The following PRTFDC1 variants were observed in gnomAD, a reference collection of about 807,000 sequenced individuals.
PRTFDC1 encodes the protein phosphoribosyl transferase domain containing 1.
PRTFDC1 carries 38 observed loss-of-function variants against 34.6 expected under a neutral mutation model. The observed-to-expected ratio is 1.10, with a 90% CI of 0.85 to 1.44. The LOEUF (loss-of-function observed/expected upper bound fraction) is 1.44, where lower values mean the gene tolerates loss of function less well. PRTFDC1 is among the 40% of genes most tolerant of loss of function. The pLI is 0.00. For synonymous variants in PRTFDC1, 93 were observed against 98.1 expected, an observed-to-expected ratio of 0.95 and a Z score of 0.31; for missense variants, 270 against 283.0, an observed-to-expected ratio of 0.95 and a Z score of 0.33.
At chr10:24,946,438 A>G (rs1375999761) in intron 1 of PRTFDC1, among the ~76,000 whole-genome samples, 1 of 152,208 alleles carries the variant, frequency 6.6e-6, no homozygotes, top group Non-Finnish European at 1.5e-5. Flanking sequence ...AATGCCAAAA[A>G]TAGGAAAAAA....
chr10:24,900,682 T>C (rs950403953), intron 3 of PRTFDC1, among the ~76,000 whole-genome samples: 8 of 152,202 alleles, frequency 5.3e-5, no homozygotes, highest in Non-Finnish European at 1.2e-4. Flanking sequence ...ATAAAAAACA[T>C]TCTACAAACC....
At chr10:24,945,969 G>A (rs1175495551) in intron 1 of PRTFDC1, among the ~76,000 whole-genome samples, 1 of 152,148 alleles carries the variant, frequency 6.6e-6, no homozygotes, top group Non-Finnish European at 1.5e-5. Context: ...GCAGGCCACA[G>A]TAAAGACCAG....
chr10:24,902,662 C>T (rs563247943), intron 3 of PRTFDC1, among the ~76,000 whole-genome samples: 17 of 152,150 alleles, frequency 1.1e-4, no homozygotes, highest in Non-Finnish European at 2.5e-4. Context: ...AAGAGAATGA[C>T]AAATTCAGAG....
intron 3 of PRTFDC1, among the ~76,000 whole-genome samples, chr10:24,878,650 C>T (rs865842378): frequency 1.7e-4 from 26 of 152,202 alleles, no homozygotes; most frequent in African/African-American, 3.4e-4. Context: ...ACATAGAGCA[C>T]GCCAGATAGC....
chr10:24,872,879 C>G (rs1320478825), intron 3 of PRTFDC1, among the ~76,000 whole-genome samples: 4 of 145,010 alleles, frequency 2.8e-5, no homozygotes, highest in Admixed American at 1.4e-4. Flanking sequence ...GTGATCCTAG[C>G]TCATTGCAGC....
intron 2 of PRTFDC1, among the ~76,000 whole-genome samples, chr10:24,938,584 G>A (rs1328966749): frequency 6.6e-6 from 1 of 152,198 alleles, no homozygotes; most frequent in Admixed American, 6.5e-5. Flanking sequence ...TTGGTGGCAG[G>A]GCTCCACTAT....
chr10:24,860,421 G>A (rs7097703), intron 4 of PRTFDC1, among the ~76,000 whole-genome samples: 1,759 of 152,048 alleles, frequency 0.012, 35 homozygotes, highest in African/African-American at 0.04. Context: ...CTACACATTC[G>A]ATAACTTACT....
At chr10:24,855,786 C>T (rs1490158185) in intron 6 of PRTFDC1, among the ~76,000 whole-genome samples, 3 of 151,948 alleles carry the variant, frequency 2.0e-5, no homozygotes, top group Non-Finnish European at 4.4e-5. Flanking sequence ...CAGAAAGAGA[C>T]CCTGTCTCAA....
intron 4 of PRTFDC1, among the ~76,000 whole-genome samples, chr10:24,862,498 C>T (rs1847695905): frequency 6.6e-6 from 1 of 152,042 alleles, no homozygotes; most frequent in Admixed American, 6.6e-5. Context: ...CCTCAGCCTC[C>T]CGAGTAGCTG....
rs1248491823 is a variant in PRTFDC1, at chr10:24,936,968, A to G, written c.339+216T>C. ...AATCATTACTGCTGAGTCTTCCCAT[A>G]TATGTGAAAATAGAGAGAAGGTCCC... On this transcript the variant is annotated intron_variant, in intron 3 of 8. Transcript: ENST00000320152. Among the ~76,000 whole-genome samples the G allele has an allele frequency of 1.1e-4, 16 of 152,294 alleles. No individual in the cohort carries two copies. The East Asian group carries it at 3.1e-3, about 29-fold the overall frequency.
chr10:24,875,431 G>A (rs1847946116), intron 3 of PRTFDC1, among the ~76,000 whole-genome samples: 1 of 152,042 alleles, frequency 6.6e-6, no homozygotes, highest in Non-Finnish European at 1.5e-5. Flanking sequence ...CCTCTGGTAA[G>A]CACCATTCTA....
chr10:24,860,935 C>T lies in PRTFDC1; in HGVS notation c.406-2526G>A, dbSNP rs185072480. Among the ~76,000 whole-genome samples the T allele has an allele frequency of 2.0e-5, 3 of 152,280 alleles. No homozygotes were observed. The East Asian group carries it at 5.8e-4, about 29-fold the overall frequency. ...GGCTCACAATCTCTTTTTGTTTCAA[C>T]TTTAAAAAGAAAAACCTTTCTAAAA... On this transcript the variant is annotated intron_variant, in intron 4 of 8. Transcript: ENST00000320152.
At chr10:24,858,531 C>T in intron 4 of PRTFDC1, 122 bp from the exon 5 acceptor site, 2 of 994,146 alleles carry the variant, frequency 2.0e-6, no homozygotes, top group Admixed American at 4.1e-5. Context: ...CCCCATCCAT[C>T]TAATTCAAAG....
chr10:24,858,015 C>A (rs2132492983), intron 5 of PRTFDC1, among the ~76,000 whole-genome samples: 1 of 152,242 alleles, frequency 6.6e-6, no homozygotes, highest in East Asian at 1.9e-4. Context: ...CATCAGAGGT[C>A]CTTAGCAAAG....
intron 3 of PRTFDC1, among the ~76,000 whole-genome samples, chr10:24,928,955 G>GC (rs1848925439): frequency 2.0e-5 from 3 of 150,788 alleles, no homozygotes; most frequent in African/African-American, 7.3e-5. Flanking sequence ...CAGGAGAATG[G>GC]GGTGAACCCA....
chr10:24,869,095 G>A (rs4748990), intron 4 of PRTFDC1, among the ~76,000 whole-genome samples: 32,789 of 151,902 alleles, frequency 0.22, 4,289 homozygotes, highest in African/African-American at 0.36. Context: ...GTTAACCATC[G>A]TCGCTCTACA....
intron 5 of PRTFDC1, among the ~76,000 whole-genome samples, chr10:24,858,031 G>A (rs1240303216): frequency 6.6e-6 from 1 of 152,182 alleles, no homozygotes; most frequent in Non-Finnish European, 1.5e-5. Flanking sequence ...CAAAGACACT[G>A]AATTCAGGGT....
intron 3 of PRTFDC1, among the ~76,000 whole-genome samples, chr10:24,905,926 C>T (rs1432525469): frequency 6.6e-6 from 1 of 152,010 alleles, no homozygotes; most frequent in Non-Finnish European, 1.5e-5. Flanking sequence ...CTCTGGTAAC[C>T]ATCCTTCTAC....
chr10:24,912,291 AAAAAG>A lies in PRTFDC1; in HGVS notation c.339+24888_339+24892del, dbSNP rs1195230573. On this transcript the variant is annotated intron_variant, in intron 3 of 8. Transcript: ENST00000320152. Reference sequence around the variant, plus strand: ...CTCAAAAAAAAAAAAAAAAAAAAAAAAAAAGAAAGAAATTGCTGAAGAGTTTTTTT... The same window carrying A: ...CTCAAAAAAAAAAAAAAAAAAAAAAAAAAGAAATTGCTGAAGAGTTTTTTT... Among the ~76,000 whole-genome samples the A allele has an allele frequency of 2.8e-4, 39 of 138,904 alleles. 1 individual carries two copies. The highest frequency in any genetic ancestry group is 1.1e-3 in the African/African-American group (36 of 33,364). The allele number at this position is 138,904 out of a possible 152,430, so 91.1% of individuals were successfully genotyped here. A position where few individuals can be genotyped will look rare whatever the true frequency, so the allele number is the denominator to read the frequency against.
Sources: allele counts gnomAD v4.1 joint callset (sites outside exome capture counted in the v4.1 genomes callset), GRCh38; gene constraint gnomAD v4.1.1; transcripts MANE v1.5; gene names NCBI Gene and HGNC (gene_info 2026-07-23, HGNC 2026-07-21).